The following PALLD variants were observed in gnomAD, a reference collection of about 807,000 sequenced individuals.
PALLD encodes palladin, cytoskeletal associated protein, also known as palladin.
Under a neutral mutation model 123.5 loss-of-function variants are expected in PALLD, and 61 were observed. That is an observed-to-expected ratio of 0.49 (90% CI 0.40 to 0.61). PALLD has a LOEUF of 0.61. PALLD is among the 20% of genes least tolerant of loss of function. The probability of loss-of-function intolerance (pLI) is 0.00; values close to 1 mark genes in which losing one functional copy is unlikely to be tolerated. For synonymous variants in PALLD, 465 were observed against 496.4 expected, an observed-to-expected ratio of 0.94 and a Z score of 0.84; for missense variants, 1,273 against 1,377.0, an observed-to-expected ratio of 0.92 and a Z score of 1.20.
chr4:168,691,107 G>C (rs551067658), intron 7 of PALLD, among the ~76,000 whole-genome samples, 162 bp from the exon 8 acceptor site: 1 of 152,076 alleles, frequency 6.6e-6, no homozygotes, highest in African/African-American at 2.4e-5. Context: ...AATATAAACC[G>C]ATCTATCACT....
At chr4:168,809,714 A>C (rs147835874) in intron 10 of PALLD, among the ~76,000 whole-genome samples, 1 of 152,082 alleles carries the variant, frequency 6.6e-6, no homozygotes. Flanking sequence ...AAATACAAAA[A>C]TTATCCAGAC....
chr4:168,818,448 G>T (rs753046709), intron 10 of PALLD, among the ~76,000 whole-genome samples: 3 of 152,040 alleles, frequency 2.0e-5, no homozygotes, highest in Admixed American at 2.0e-4. Flanking sequence ...AAAATATTTC[G>T]AAAAAGCCAG....
At chr4:168,776,977 G>A (rs966136640) in intron 10 of PALLD, among the ~76,000 whole-genome samples, 3 of 151,930 alleles carry the variant, frequency 2.0e-5, no homozygotes, top group Admixed American at 6.6e-5. Context: ...CTCTAGCTAC[G>A]GTAGCTACAG....
In PALLD at chr4:168,840,602, GACTCAGGGT is replaced by G. The variant is rs1745900197; in HGVS notation, c.1965-50317_1965-50309del. Among the ~76,000 whole-genome samples, 4 of 152,160 alleles carry G rather than the reference GACTCAGGGT, an allele frequency of 2.6e-5. No homozygotes were observed. The South Asian group carries it at 8.3e-4, about 32-fold the overall frequency. ...GACCTTTACCCAGATCAACTTCTTT[GACTCAGGGT>G]ACAAATGAACAACGTAGTCTGACAG... On this transcript the variant is annotated intron_variant, in intron 10 of 21. Coordinates refer to ENST00000505667, the MANE Select transcript of PALLD (RefSeq NM_001166108.2).
rs555285343 is a variant in PALLD at position 168,691,325 on chromosome 4, G to A, written c.1501+33G>A. The A allele has an allele frequency of 1.7e-4, 270 of 1,568,020 alleles. 4 individuals are homozygous for A. In the South Asian group the frequency reaches 2.9e-3, roughly 17 times the overall value. ...TATTTTTAGGGTTTTTTTTTTTGGT[G>A]GTGGGGGAGCAGATAATGTATCTTT... On this transcript the variant is annotated intron_variant, in intron 8 of 21. Transcript: ENST00000505667.
chr4:168,510,167 C>T (rs12503392), intron 1 of PALLD, among the ~76,000 whole-genome samples: 44,792 of 152,044 alleles, frequency 0.29, 6,708 homozygotes, highest in Non-Finnish European at 0.33. Flanking sequence ...CCTCTCAGTA[C>T]TCTATGAACA....
In PALLD at chr4:168,905,152, T is replaced by G. The variant is rs1347005339; in HGVS notation, c.2622+1246T>G. Among the ~76,000 whole-genome samples the G allele has an allele frequency of 1.2e-3, 160 of 133,726 alleles. 5 individuals carry two copies. Among genetic ancestry groups the G allele is most frequent in the Middle Eastern group, 3.6e-3 (1 of 274 alleles). 87.7% of individuals were successfully genotyped at this position (133,726 alleles called of 152,430 possible). On this transcript the variant is annotated intron_variant, in intron 15 of 21. Coordinates refer to ENST00000505667, the MANE Select transcript of PALLD (RefSeq NM_001166108.2). ...TTGTTTTGTTGGTTTTTTTTTTTTT[T>G]TTTTTTTTTTTTTTTTGAGATGGAA...
chr4:168,839,441 C>G (rs1272511707), intron 10 of PALLD, among the ~76,000 whole-genome samples: 1 of 152,110 alleles, frequency 6.6e-6, no homozygotes, highest in East Asian at 1.9e-4. Context: ...GGGAAAGCTA[C>G]TTGCGGTTAG....
intron 1 of PALLD, among the ~76,000 whole-genome samples, chr4:168,506,314 T>C (rs570228511): frequency 6.6e-6 from 1 of 152,176 alleles, no homozygotes; most frequent in East Asian, 1.9e-4. Context: ...CACAGAAGTC[T>C]CAGTTTGGGA....
At chr4:168,787,455 A>G (rs140734487) in intron 10 of PALLD, among the ~76,000 whole-genome samples, 250 of 152,366 alleles carry the variant, frequency 1.6e-3, no homozygotes, top group South Asian at 3.3e-3. Flanking sequence ...CTGCATTGGT[A>G]AGACTATCTA....
intron 2 of PALLD, among the ~76,000 whole-genome samples, chr4:168,580,117 G>A (rs937233659): frequency 2.0e-5 from 3 of 151,832 alleles, no homozygotes; most frequent in Admixed American, 6.6e-5. Flanking sequence ...GTGTCAGATC[G>A]TGCCATGTTT....
chr4:168,678,193 T>G (rs970658789), intron 3 of PALLD: 4 of 152,336 alleles, frequency 2.6e-5, no homozygotes, highest in Admixed American at 6.5e-5. Context: ...CTGTCACCAC[T>G]GCTTTCTAGT....
At chr4:168,622,058 C>T (rs1774816097) in intron 2 of PALLD, among the ~76,000 whole-genome samples, 2 of 152,120 alleles carry the variant, frequency 1.3e-5, no homozygotes, top group African/African-American at 4.8e-5. Context: ...AGTCACTCCT[C>T]GCACCAGAGA....
intron 10 of PALLD, among the ~76,000 whole-genome samples, chr4:168,734,583 T>C (rs1787538448): frequency 6.6e-6 from 1 of 152,206 alleles, no homozygotes; most frequent in Non-Finnish European, 1.5e-5. Flanking sequence ...TATTATTTCA[T>C]CTGTCTTGCT....
chr4:168,665,449 G>T (rs1218006447), intron 2 of PALLD, among the ~76,000 whole-genome samples: 2 of 152,160 alleles, frequency 1.3e-5, no homozygotes, highest in African/African-American at 4.8e-5. Flanking sequence ...TTAAAAAATG[G>T]TTGCTTGGGA....
chr4:168,506,356 G>A (rs1213530401), intron 1 of PALLD, among the ~76,000 whole-genome samples: 1 of 140,808 alleles, frequency 7.1e-6, no homozygotes, highest in East Asian at 2.3e-4. Context: ...AAATTTTGCA[G>A]AGAATCTCAT....
chr4:168,875,260 G>C (rs1375557431), intron 10 of PALLD, among the ~76,000 whole-genome samples: 1 of 152,034 alleles, frequency 6.6e-6, no homozygotes, highest in Non-Finnish European at 1.5e-5. Context: ...TAACTTCTAA[G>C]TAATTTCCAA....
chr4:168,708,894 TA>T, intron 8 of PALLD, 133 bp from the exon 9 acceptor site: 1 of 841,622 alleles, frequency 1.2e-6, no homozygotes, highest in Non-Finnish European at 2.0e-6. Flanking sequence ...GATTCTATTG[TA>T]AACACTTTTG....
At chr4:168,715,552 T>G (rs1159582262) in intron 10 of PALLD, among the ~76,000 whole-genome samples, 1 of 152,214 alleles carries the variant, frequency 6.6e-6, no homozygotes, top group Non-Finnish European at 1.5e-5. Context: ...ACTATTCTTT[T>G]CCTTGGTTCC....
Sources: gnomAD v4.1 joint callset for allele counts (sites outside exome capture counted in the v4.1 genomes callset) on GRCh38, gnomAD v4.1.1 for gene constraint, MANE v1.5 for transcripts, NCBI Gene and HGNC (gene_info 2026-07-23, HGNC 2026-07-21) for gene names.